The following AXDND1 variants were observed in gnomAD, a reference collection of about 807,000 sequenced individuals.
The protein encoded by AXDND1 is axonemal dynein light chain domain-containing protein 1.
AXDND1 carries 110 observed loss-of-function variants against 137.5 expected under a neutral mutation model. The ratio of observed to expected loss-of-function variants is 0.80; its 90% CI spans 0.69 to 0.94. The LOEUF (loss-of-function observed/expected upper bound fraction) is 0.94, where lower values mean the gene tolerates loss of function less well. AXDND1 is among the 40% of genes least tolerant of loss of function. AXDND1 has a pLI of 0.00. For missense variants in AXDND1, 1,191 were observed against 1,169.8 expected (o/e 1.02, Z -0.26); for synonymous variants, 414 against 399.7 (o/e 1.04, Z -0.43).
At chr1:179,472,638 C>T (rs537965520) in intron 17 of AXDND1, among the ~76,000 whole-genome samples, 109 of 152,050 alleles carry the variant, frequency 7.2e-4, no homozygotes, top group Non-Finnish European at 1.4e-3. Flanking sequence ...TTTTCCCTTC[C>T]TTTCTCTTGA....
At chr1:179,367,214 C>T (rs1399312034) in intron 2 of AXDND1, among the ~76,000 whole-genome samples, 1 of 149,388 alleles carries the variant, frequency 6.7e-6, no homozygotes, top group African/African-American at 2.5e-5. Flanking sequence ...AGAGCAAGAC[C>T]CCATCTCAAA....
intron 12 of AXDND1, among the ~76,000 whole-genome samples, chr1:179,419,377 C>G (rs1022085570): frequency 2.0e-5 from 3 of 151,018 alleles, no homozygotes; most frequent in African/African-American, 4.9e-5. Flanking sequence ...CTCGGGAGGC[C>G]AAGGCTGGCG....
intron 15 of AXDND1, among the ~76,000 whole-genome samples, chr1:179,437,341 T>A (rs4418554): frequency 0.3 from 44,962 of 152,046 alleles, 6,835 homozygotes; most frequent in Non-Finnish European, 0.31. Flanking sequence ...CATTTGGTTC[T>A]CAGCAGGCTT....
At chr1:179,472,580 T>C (rs1316958454) in intron 17 of AXDND1, among the ~76,000 whole-genome samples, 1 of 152,182 alleles carries the variant, frequency 6.6e-6, no homozygotes, top group Non-Finnish European at 1.5e-5. Flanking sequence ...TAACCATTAT[T>C]GATAGTGGGA....
At chr1:179,398,288 G>A (rs756845955) in intron 11 of AXDND1, among the ~76,000 whole-genome samples, 19 of 152,294 alleles carry the variant, frequency 1.2e-4, no homozygotes, top group Non-Finnish European at 2.5e-4. Context: ...CCTGGACCGT[G>A]TACTCCAACT....
chr1:179,547,925 G>A (rs1353328339), intron 25 of AXDND1, among the ~76,000 whole-genome samples: 2 of 152,070 alleles, frequency 1.3e-5, no homozygotes, highest in South Asian at 2.1e-4. Flanking sequence ...AAAGAAAGGG[G>A]GATTGTCTGA....
intron 21 of AXDND1, among the ~76,000 whole-genome samples, chr1:179,512,316 G>C (rs1669133012): frequency 6.6e-6 from 1 of 152,132 alleles, no homozygotes; most frequent in Admixed American, 6.5e-5. Context: ...TTGTTTAAAA[G>C]GGTGTCCTTT....
intron 25 of AXDND1, among the ~76,000 whole-genome samples, chr1:179,537,149 A>C (rs1671632185): frequency 1.3e-5 from 2 of 152,202 alleles, no homozygotes; most frequent in Admixed American, 1.3e-4. Flanking sequence ...CAATCATGTC[A>C]TCTGCAAACA....
chr1:179,481,343 A>G (rs1018869589), intron 17 of AXDND1, among the ~76,000 whole-genome samples: 6 of 152,088 alleles, frequency 3.9e-5, no homozygotes, highest in African/African-American at 1.2e-4. Context: ...ATAGTATTCC[A>G]TGGTGTATAT....
intron 19 of AXDND1, among the ~76,000 whole-genome samples, chr1:179,492,448 AAC>A (rs760973251): frequency 1.5e-3 from 151 of 98,320 alleles, no homozygotes; most frequent in Admixed American, 6.7e-3. Context: ...GAAAAAAAAA[AAC>A]AACAACCCAC....
rs533630284 is a variant in AXDND1 at position 179,415,297 on chromosome 1, G to A, written c.1230+4031G>A. 3.3e-5 allele frequency among the ~76,000 whole-genome samples: 5 copies of A among 152,130 alleles called. No individual in the cohort carries two copies. In the East Asian group the frequency reaches 5.8e-4, roughly 18 times the overall value. ...GTGGAGGTTGCAGTGAGCCGAGATC[G>A]CACCACTGCACTCCAGCCTGGGCAA... On this transcript the variant is annotated intron_variant, in intron 12 of 25. Transcript: ENST00000367618.
At chr1:179,537,555 G>T (rs1264255891) in intron 25 of AXDND1, among the ~76,000 whole-genome samples, 10 of 152,156 alleles carry the variant, frequency 6.6e-5, no homozygotes, top group Non-Finnish European at 1.5e-4. Context: ...ACTTGATTGT[G>T]GTAGATAAGC....
chr1:179,504,023 A>C (rs1668291378), intron 20 of AXDND1, among the ~76,000 whole-genome samples: 1 of 152,258 alleles, frequency 6.6e-6, no homozygotes, highest in Non-Finnish European at 1.5e-5. Flanking sequence ...ATCCAAATTT[A>C]AAATAGCAAA....
chr1:179,499,779 C>T (rs1667810464), intron 20 of AXDND1, among the ~76,000 whole-genome samples: 1 of 152,020 alleles, frequency 6.6e-6, no homozygotes. Context: ...TCAGATGATT[C>T]AGACATTAGA....
At chr1:179,524,244 T>C (rs1670334540) in intron 21 of AXDND1, among the ~76,000 whole-genome samples, 1 of 152,186 alleles carries the variant, frequency 6.6e-6, no homozygotes, top group African/African-American at 2.4e-5. Context: ...AGATCTACTT[T>C]TAGTTCTTTA....
intron 4 of AXDND1, among the ~76,000 whole-genome samples, chr1:179,377,740 T>C (rs1647520896): frequency 6.6e-6 from 1 of 152,240 alleles, no homozygotes; most frequent in Non-Finnish European, 1.5e-5. Flanking sequence ...GCAGTGGTAA[T>C]CACCATCAGC....
intron 17 of AXDND1, among the ~76,000 whole-genome samples, chr1:179,479,437 T>C (rs74823384): frequency 1.4e-4 from 19 of 140,732 alleles, no homozygotes; most frequent in Non-Finnish European, 2.6e-4. Context: ...ACTATGCCAT[T>C]GCACTCCAGT....
rs750116397 is a variant in AXDND1, at chr1:179,492,941, A to G, written c.2378A>G (p.Asp793Gly). 1.9e-6 allele frequency: 3 copies of G among 1,601,052 alleles called. No individual in the cohort carries two copies. The highest frequency in any genetic ancestry group is 4.5e-5 in the East Asian group (2 of 44,576). The stretch of plus-strand genomic sequence containing the variant: ...GCTACTGAAGACCTTTATGAGGTGG[A>G]TAAGTTGAAGGTAATAACTCTGTCT... ...KNATEDLYEV[D>G]KLKKECYEWI... The change falls in exon 20 of 26, where the codon GAT (aspartate) becomes GGT (glycine). Residue 793 changes from aspartate to glycine, a missense_variant. Physicochemically the swap from Asp to Gly is moderately conservative, Grantham distance 94. Transcript: ENST00000367618.
At chr1:179,461,395 G>T (rs150302926) in intron 16 of AXDND1, among the ~76,000 whole-genome samples, 4,519 of 152,058 alleles carry the variant, frequency 0.03, 255 homozygotes, top group African/African-American at 0.1. Flanking sequence ...GCTCTGTCCT[G>T]TTCCATTGGT....
Sources: allele counts gnomAD v4.1 joint callset (sites outside exome capture counted in the v4.1 genomes callset), GRCh38; gene constraint gnomAD v4.1.1; transcripts MANE v1.5; gene names NCBI Gene and HGNC (gene_info 2026-07-23, HGNC 2026-07-21).